CNBD1: variants seen among roughly 807,000 people sequenced by gnomAD.
CNBD1 encodes cyclic nucleotide binding domain containing 1.
A neutral mutation model predicts 54.4 loss-of-function variants in CNBD1; 71 were observed. The observed-to-expected ratio is 1.30, with a 90% confidence interval of 1.08 to 1.59. The LOEUF (loss-of-function observed/expected upper bound fraction) is 1.59. CNBD1 is among the 40% of genes most tolerant of loss of function. The probability of loss-of-function intolerance (pLI) is 0.00; values close to 1 mark genes in which losing one functional copy is unlikely to be tolerated. For synonymous variants in CNBD1, 182 were observed against 170.7 expected (o/e 1.07, Z -0.51); for missense variants, 659 against 518.0 (o/e 1.27, Z -2.64).
intron 10 of CNBD1, 137 bp downstream of exon 10, chr8:87,353,923 A>T (rs1810362302): frequency 3.5e-6 from 2 of 571,716 alleles, no homozygotes; most frequent in South Asian, 2.8e-5. Flanking sequence ...GTATTTGCAT[A>T]ATCTCCTCCA....
At chr8:87,042,409 G>C (rs1309475274) in intron 4 of CNBD1, among the ~76,000 whole-genome samples, 1 of 152,152 alleles carries the variant, frequency 6.6e-6, no homozygotes, top group Non-Finnish European at 1.5e-5. Flanking sequence ...CCTTTCTGTA[G>C]ATAAAGAAAG....
chr8:87,409,564 G>A (rs1032678410), intron 2 of CNBD1, among the ~76,000 whole-genome samples: 1 of 152,116 alleles, frequency 6.6e-6, no homozygotes, highest in African/African-American at 2.4e-5. Flanking sequence ...GGAAGCATAT[G>A]CCATCTTCAA....
At chr8:86,933,968 A>T (rs1014362393) in intron 3 of CNBD1, among the ~76,000 whole-genome samples, 1 of 152,136 alleles carries the variant, frequency 6.6e-6, no homozygotes, top group Non-Finnish European at 1.5e-5. Context: ...GAACAGATTC[A>T]TAGTCTATTC....
downstream of CNBD1, among the ~76,000 whole-genome samples, chr8:87,384,053 TTA>T (rs2130962433): frequency 6.6e-6 from 1 of 152,164 alleles, no homozygotes; most frequent in South Asian, 2.1e-4. Context: ...TAAGAATGAG[TTA>T]TGTTAGTCTG....
In CNBD1 at chr8:87,237,802, T is replaced by C. The variant is rs548273206; in HGVS notation, c.771+690T>C. On this transcript the variant is annotated intron_variant, in intron 6 of 10. Coordinates refer to ENST00000518476, the MANE Select transcript of CNBD1 (RefSeq NM_173538.3). Reference sequence around the variant, plus strand: ...GCATTATGGGGTACAATCAGAAAAATCCAGAACTAATATCATATTCAAGAG... The same window carrying C: ...GCATTATGGGGTACAATCAGAAAAACCCAGAACTAATATCATATTCAAGAG... Among the ~76,000 whole-genome samples the C allele has an allele frequency of 1.5e-4, 23 of 151,934 alleles. No homozygotes were observed. The East Asian group carries it at 4.5e-3, about 30-fold the overall frequency.
At chr8:87,361,118 G>A (rs1396982561) in intron 10 of CNBD1, among the ~76,000 whole-genome samples, 3 of 151,890 alleles carry the variant, frequency 2.0e-5, no homozygotes, top group Non-Finnish European at 4.4e-5. Flanking sequence ...TTTTTGCATT[G>A]TGATTTAAAA....
intron 2 of CNBD1, among the ~76,000 whole-genome samples, chr8:87,418,660 A>C (rs1046224916): frequency 6.6e-6 from 1 of 151,990 alleles, no homozygotes; most frequent in Non-Finnish European, 1.5e-5. Context: ...TTATACTTCA[A>C]CAATAAAACA....
chr8:87,253,722 G>A (rs1435333125), intron 6 of CNBD1, among the ~76,000 whole-genome samples: 1 of 152,110 alleles, frequency 6.6e-6, no homozygotes, highest in Non-Finnish European at 1.5e-5. Context: ...TTAACCAACA[G>A]AAATGAGCAT....
intron 4 of CNBD1, among the ~76,000 whole-genome samples, chr8:87,173,279 T>A (rs72665050): frequency 6.6e-6 from 1 of 152,232 alleles, no homozygotes; most frequent in Admixed American, 6.5e-5. Context: ...GATTGGTTCA[T>A]TATTTGGTTT....
chr8:87,114,946 T>G (rs1811739115), intron 4 of CNBD1, among the ~76,000 whole-genome samples: 1 of 152,158 alleles, frequency 6.6e-6, no homozygotes, highest in Admixed American at 6.5e-5. Flanking sequence ...TTTATGCTTA[T>G]CAAATATGAA....
chr8:87,159,768 C>T (rs986954842), intron 4 of CNBD1, among the ~76,000 whole-genome samples: 2 of 152,106 alleles, frequency 1.3e-5, no homozygotes, highest in Admixed American at 1.3e-4. Context: ...GTTCTTGGGT[C>T]TGCATTTCTG....
chr8:87,136,498 T>C (rs527273901), intron 4 of CNBD1, among the ~76,000 whole-genome samples: 26 of 132,944 alleles, frequency 2.0e-4, no homozygotes, highest in African/African-American at 7.0e-4. Context: ...TTATTGATTT[T>C]TTTACTTCCT....
At chr8:87,210,852 C>G (rs1814082260) in intron 5 of CNBD1, among the ~76,000 whole-genome samples, 1 of 152,180 alleles carries the variant, frequency 6.6e-6, no homozygotes, top group Admixed American at 6.5e-5. Flanking sequence ...GAAGGTCCTA[C>G]ACAGAGTCCT....
chr8:87,387,969 C>G (rs1811225324), intron 2 of CNBD1, among the ~76,000 whole-genome samples: 1 of 152,174 alleles, frequency 6.6e-6, no homozygotes, highest in Non-Finnish European at 1.5e-5. Flanking sequence ...AACCGCTCAA[C>G]TACATGGAAA....
intron 6 of CNBD1, among the ~76,000 whole-genome samples, chr8:87,271,248 T>G (rs1188444937): frequency 1.3e-5 from 2 of 151,900 alleles, no homozygotes; most frequent in Non-Finnish European, 2.9e-5. Flanking sequence ...TGTATATATT[T>G]TTTTTCAGTC....
At chr8:87,337,819 A>T (rs945459265) in intron 8 of CNBD1, among the ~76,000 whole-genome samples, 1 of 152,154 alleles carries the variant, frequency 6.6e-6, no homozygotes, top group Non-Finnish European at 1.5e-5. Context: ...TAATGACAGA[A>T]CCTGAATACC....
At chr8:87,232,491 T>G (rs369047078) in intron 5 of CNBD1, among the ~76,000 whole-genome samples, 22 of 152,182 alleles carry the variant, frequency 1.4e-4, no homozygotes, top group African/African-American at 3.6e-4. Flanking sequence ...TGTTTCCAAA[T>G]AAATGCGCTT....
intron 10 of CNBD1, among the ~76,000 whole-genome samples, chr8:87,374,298 A>T (rs1810880114): frequency 6.6e-6 from 1 of 151,768 alleles, no homozygotes; most frequent in Non-Finnish European, 1.5e-5. Context: ...GTGGATTGCT[A>T]AATTTTGATT....
chr8:86,926,706 G>A (rs1809366896), intron 3 of CNBD1, among the ~76,000 whole-genome samples: 1 of 152,164 alleles, frequency 6.6e-6, no homozygotes, highest in Non-Finnish European at 1.5e-5. Context: ...GCAGTGAGGA[G>A]GTCCAGGCCC....
Sources: gnomAD v4.1 joint callset for allele counts (sites outside exome capture counted in the v4.1 genomes callset) on GRCh38, gnomAD v4.1.1 for gene constraint, MANE v1.5 for transcripts, NCBI Gene and HGNC (gene_info 2026-07-23, HGNC 2026-07-21) for gene names.